The following OSBPL5 variants were observed in gnomAD, a reference collection of about 807,000 sequenced individuals.
OSBPL5 encodes oxysterol-binding protein-related protein 5.
A neutral mutation model predicts 111.2 loss-of-function variants in OSBPL5; 71 were observed. The observed-to-expected ratio is 0.64, with a 90% CI of 0.53 to 0.78. OSBPL5 has a LOEUF of 0.78. OSBPL5 is among the 30% of genes least tolerant of loss of function. OSBPL5 has a pLI of 0.00. For missense variants in OSBPL5, 1,210 were observed against 1,189.3 expected (o/e 1.02, Z -0.26); for synonymous variants, 549 against 513.9 (o/e 1.07, Z -0.93).
In OSBPL5 at chr11:3,121,166, TC is replaced by T. The variant is rs1400419411; in HGVS notation, c.403-543del. Among the ~76,000 whole-genome samples the T allele has an allele frequency of 3.3e-5, 5 of 151,196 alleles. No homozygotes were observed. The highest frequency in any genetic ancestry group is 1.2e-4 in the African/African-American group (5 of 41,126). Reference sequence around the variant, plus strand: ...TCTGCCTCCCAGGTTCAAGCGATTCTCCTGCCTCAGCCGCCCGAGTAGCTGG... The same window carrying T: ...TCTGCCTCCCAGGTTCAAGCGATTCTCTGCCTCAGCCGCCCGAGTAGCTGG... On this transcript the variant is annotated intron_variant, in intron 5 of 21. Coordinates refer to ENST00000263650, the MANE Select transcript of OSBPL5 (RefSeq NM_020896.4). This position sits in a 1 kb window ranked among gnomAD's most constrained non-coding sequence, Gnocchi z 4.3.
At chr11:3,093,327 C>T (rs1164809747) in intron 17 of OSBPL5, 200 bp downstream of exon 17, 21 of 894,632 alleles carry the variant, frequency 2.3e-5, no homozygotes, top group South Asian at 3.5e-5. Context: ...TCACGGCAGC[C>T]GGCTCCTCTC....
At chr11:3,120,669 C>G (rs771122584) in intron 5 of OSBPL5, 45 bp from the exon 6 acceptor site, 1 of 1,597,166 alleles carries the variant, frequency 6.3e-7, no homozygotes, top group African/African-American at 1.3e-5. Flanking sequence ...CTGGGGCCGC[C>G]ATCCCTGGGG....
chr11:3,095,198 G>T (rs1201329576), intron 14 of OSBPL5, among the ~76,000 whole-genome samples: 2 of 151,816 alleles, frequency 1.3e-5, no homozygotes, highest in Non-Finnish European at 2.9e-5. Context: ...GCTCTGATGG[G>T]GGGAGGTCTC....
In OSBPL5 at chr11:3,088,307, T is replaced by C; in HGVS notation, c.2538A>G (p.Ala846=). 6.2e-7 allele frequency: 1 copy of C among 1,602,338 alleles called. No homozygotes were observed. Among genetic ancestry groups the C allele is most frequent in the South Asian group, 1.1e-5 (1 of 89,600 alleles). ...LSAMLSSTAR[A]AQAPTPGLLQ... ...GGAGGCCTGGGGTCGGTGCCTGTGC[T>C]GCCCGTGCCGTGGAGCTCAGCATGG... is the stretch of plus-strand genomic sequence containing the variant. Residue 846 remains alanine, a synonymous_variant, in exon 22 of 22, where the codon GCA becomes GCG. Transcript: ENST00000263650.
In OSBPL5 at chr11:3,106,945, G is replaced by A. The variant is rs1857714106; in HGVS notation, c.1059+318C>T. 1.3e-5 allele frequency among the ~76,000 whole-genome samples: 2 copies of A among 152,136 alleles called. No homozygotes were observed. Among genetic ancestry groups the A allele is most frequent in the African/African-American group, 4.8e-5 (2 of 41,412 alleles). ...GGCCGCCCAGCAGATGGGGTCAAGG[G>A]CCCCTCTTGAGCCTCCTGTTCTCCC... On this transcript the variant is annotated intron_variant, in intron 9 of 21. Coordinates refer to ENST00000263650, the MANE Select transcript of OSBPL5 (RefSeq NM_020896.4). This position sits in a 1 kb window ranked among gnomAD's most constrained non-coding sequence, Gnocchi z 8.4.
chr11:3,128,985 G>T, intron 2 of OSBPL5, 28 bp downstream of exon 2: 1 of 1,498,310 alleles, frequency 6.7e-7, no homozygotes, highest in Non-Finnish European at 8.9e-7. Context: ...CTGAGGGCCA[G>T]GTTGCCCTGC....
chr11:3,126,534 C>A lies in OSBPL5; in HGVS notation c.158G>T (p.Gly53Val). The A allele has an allele frequency of 6.2e-7, 1 of 1,608,638 alleles. No homozygotes were observed. Reference sequence around the variant, plus strand: ...CCCTTCATCCCTGGGCAGCGACGGGCCGTTGGGCTCCATGTCCTTCCCTGC... The same window carrying A: ...CCCTTCATCCCTGGGCAGCGACGGGACGTTGGGCTCCATGTCCTTCCCTGC... Reference protein sequence around the residue: ...LSPGKDMEPNGPSLPRDEGPP... With the variant: ...LSPGKDMEPNVPSLPRDEGPP... Residue 53 changes from glycine (G) to valine (V), a missense_variant, in exon 3 of 22, where the codon GGC (glycine) becomes GTC (valine). Gly to Val is a moderately radical substitution (Grantham distance 109). Coordinates refer to ENST00000263650, the MANE Select transcript of OSBPL5 (RefSeq NM_020896.4). The surrounding 1 kb of genome is among the most constrained non-coding windows in gnomAD (Gnocchi z 6.5).
In OSBPL5 at chr11:3,142,814, G is replaced by T. The variant is rs746311697; in HGVS notation, c.-21-13645C>A. On this transcript the variant is annotated intron_variant, in intron 1 of 21. Transcript: ENST00000263650. This position sits in a 1 kb window ranked among gnomAD's most constrained non-coding sequence, Gnocchi z 7.1. ...ATCCCCGAGCCCCATGCAGCCTTGC[G>T]GGTAGAAGGGCAGTGACTGCCCACT... is the stretch of plus-strand genomic sequence containing the variant. Among the ~76,000 whole-genome samples the T allele has an allele frequency of 6.6e-6, 1 of 151,954 alleles. No homozygotes were observed. The highest frequency in any genetic ancestry group is 2.4e-5 in the African/African-American group (1 of 41,350).
At chr11:3,119,492 G>A in intron 7 of OSBPL5, 55 bp downstream of exon 7, 2 of 1,502,556 alleles carry the variant, frequency 1.3e-6, no homozygotes, top group South Asian at 2.6e-5. Flanking sequence ...ACCTCAAAAG[G>A]GGGCCCACTT....
Position 3,107,289 on chromosome 11 carries a change from C to T in OSBPL5, c.1033G>A (p.Glu345Lys). The T allele has an allele frequency of 1.2e-6, 2 of 1,613,488 alleles. No homozygotes were observed. Among genetic ancestry groups the T allele is most frequent in the East Asian group, 2.2e-5 (1 of 44,838 alleles). Residue 345 changes from glutamate to lysine, a missense_variant, in exon 9 of 22, where the codon GAG (glutamate) becomes AAG (lysine). Transcript: ENST00000263650. The surrounding 1 kb of genome is among the most constrained non-coding windows in gnomAD (Gnocchi z 6.1). ...APVRRGTTYVEQVQEELGELG... is the reference protein window; with the variant it reads ...APVRRGTTYVKQVQEELGELG... ...TCCCCCAGCTCCTCCTGGACCTGCT[C>T]CACATAGGTGGTCCCTCTCCGCACC...
intron 3 of OSBPL5, among the ~76,000 whole-genome samples, chr11:3,123,596 C>T (rs1317394963): frequency 3.3e-5 from 5 of 152,228 alleles, no homozygotes; most frequent in African/African-American, 4.8e-5. Context: ...TCTGGCTGGG[C>T]GTCTGCGGGT....
At position 3,119,334 on chromosome 11, in the gene OSBPL5, C is replaced by T. The variant is rs112685877; in HGVS notation, c.691+213G>A. On this transcript the variant is annotated intron_variant, in intron 7 of 21. Coordinates refer to ENST00000263650, the MANE Select transcript of OSBPL5 (RefSeq NM_020896.4). The stretch of plus-strand genomic sequence containing the variant: ...CCTTTGACAGGTGGTATTTTAATGT[C>T]ACATTTTACTCATGGGAAAACTGAG... 2.5e-3 allele frequency among the ~76,000 whole-genome samples: 384 copies of T among 152,286 alleles called. 1 individual carries two copies. The highest frequency in any genetic ancestry group is 8.9e-3 in the African/African-American group (370 of 41,562).
chr11:3,134,778 C>G (rs1302457080), intron 1 of OSBPL5, among the ~76,000 whole-genome samples: 1 of 140,654 alleles, frequency 7.1e-6, no homozygotes, highest in African/African-American at 2.7e-5. Context: ...TGGGTCTCCT[C>G]AGAGGTCTGC....
chr11:3,097,792 C>G (rs531671420), intron 14 of OSBPL5, among the ~76,000 whole-genome samples: 1 of 152,190 alleles, frequency 6.6e-6, no homozygotes, highest in Non-Finnish European at 1.5e-5. Flanking sequence ...CAAGGCCGAG[C>G]GCACTGGCTC....
rs747214162 is a variant in OSBPL5, at chr11:3,129,121, G to A, written c.28C>T (p.Arg10Cys). The stretch of plus-strand genomic sequence containing the variant: ...GAGGAAGGTGGACACAGGGAGAAGC[G>A]GCGCCGGAGGAAGGCCTCCTCCTTC... Reference protein sequence around the residue: MKEEAFLRRRFSLCPPSSTP... With the variant: MKEEAFLRRCFSLCPPSSTP... The change falls in exon 2 of 22, where the codon CGC becomes TGC. Residue 10 changes from arginine to cysteine, a missense_variant. Transcript: ENST00000263650. The A allele has an allele frequency of 2.1e-5, 32 of 1,493,804 alleles. No homozygotes were observed. Among genetic ancestry groups the A allele is most frequent in the Non-Finnish European group, 2.7e-5 (30 of 1,118,652 alleles). The allele number at this position is 1,493,804 out of a possible 1,614,324, so 92.5% of individuals were successfully genotyped here. A position where few individuals can be genotyped will look rare whatever the true frequency, so the allele number is the denominator to read the frequency against.
At position 3,110,719 on chromosome 11, in the gene OSBPL5, C is replaced by A. The variant is rs375384122; in HGVS notation, c.692-2774G>T. ...TCTCATTGTCTCCTTTGGAGAAGCT[C>A]ATCAGAAACTCAAAAAAATGCAACC... On this transcript the variant is annotated intron_variant, in intron 7 of 21. Transcript: ENST00000263650. This position sits in a 1 kb window ranked among gnomAD's most constrained non-coding sequence, Gnocchi z 5.3. Among the ~76,000 whole-genome samples the A allele has an allele frequency of 1.8e-4, 28 of 152,278 alleles. No individual in the cohort carries two copies. In the South Asian group the frequency reaches 5.6e-3, roughly 30 times the overall value.
At position 3,092,420 on chromosome 11, in the gene OSBPL5, T is replaced by C. The variant is rs371043968; in HGVS notation, c.2259+12A>G. On this transcript the variant is annotated intron_variant, in intron 19 of 21. Coordinates refer to ENST00000263650, the MANE Select transcript of OSBPL5 (RefSeq NM_020896.4). The surrounding 1 kb of genome is among the most constrained non-coding windows in gnomAD (Gnocchi z 5.4). ...TAAGACCAGCCCTGGGTGGGGCCTG[T>C]GGGGTGCTGACCTCGTGCCTGGGCC... The C allele has an allele frequency of 7.9e-4, 1,239 of 1,570,554 alleles. 4 individuals are homozygous for C. Among genetic ancestry groups the C allele is most frequent in the South Asian group, 2.9e-3 (246 of 85,850 alleles).
intron 19 of OSBPL5, among the ~76,000 whole-genome samples, chr11:3,091,862 G>C (rs770756286): frequency 2.0e-5 from 3 of 152,158 alleles, no homozygotes; most frequent in Non-Finnish European, 4.4e-5. Context: ...GGTGAGCACC[G>C]GCCGCGCTCT....
chr11:3,090,651 A>G lies in OSBPL5; in HGVS notation c.2305T>C (p.Ser769Pro). 2 of 1,612,538 alleles carry G rather than the reference A, an allele frequency of 1.2e-6. No individual in the cohort carries two copies. Among genetic ancestry groups the G allele is most frequent in the South Asian group, 2.2e-5 (2 of 91,046 alleles). The change falls in exon 20 of 22, where the codon TCC becomes CCC. Residue 769 changes from serine to proline, a missense_variant. By Grantham distance (74) the Ser-to-Pro change is moderately conservative. Coordinates refer to ENST00000263650, the MANE Select transcript of OSBPL5 (RefSeq NM_020896.4). The part of the protein sequence containing the change: ...QRLRKASDQP[S>P]GHSQATESSG... ...CTCTCCGTGGCCTGGCTGTGGCCGG[A>G]GGGCTGGTCGCTGGCCTTGCGAAGC... is the stretch of plus-strand genomic sequence containing the variant.
Sources: gnomAD v4.1 joint callset for allele counts (sites outside exome capture counted in the v4.1 genomes callset) on GRCh38, gnomAD v4.1.1 for gene constraint, Gnocchi (gnomAD v3.1) non-coding constraint, MANE v1.5 for transcripts, NCBI Gene and HGNC (gene_info 2026-07-23, HGNC 2026-07-21) for gene names.